TRIM5: variants seen among roughly 807,000 people sequenced by gnomAD.
TRIM5 encodes the protein tripartite motif-containing protein 5.
A neutral mutation model predicts 35.6 loss-of-function variants in TRIM5; 31 were observed. The observed-to-expected ratio is 0.87, with a 90% confidence interval of 0.65 to 1.18. TRIM5 has a LOEUF of 1.18. Ranked by LOEUF, TRIM5 falls within the 50% of genes most tolerant of loss-of-function variation. TRIM5 has a pLI of 0.00. For missense variants in TRIM5, 609 were observed against 591.6 expected (o/e 1.03, Z -0.31); for synonymous variants, 243 against 215.6 (o/e 1.13, Z -1.11).
chr11:5,676,419 AAGG>A (rs1851986675), intron 4 of TRIM5, among the ~76,000 whole-genome samples: 2 of 152,186 alleles, frequency 1.3e-5, no homozygotes, highest in Non-Finnish European at 2.9e-5. Flanking sequence ...GGACTTCTTC[AAGG>A]AGAACTACAA....
chr11:5,623,668 C>A, the TRIM5 span, among the ~76,000 whole-genome samples: 1 of 151,966 alleles, frequency 6.6e-6, no homozygotes, highest in South Asian at 2.1e-4. Context: ...GTGTGAGCCA[C>A]CACAGTTGGC....
the TRIM5 span, among the ~76,000 whole-genome samples, chr11:5,633,592 C>T: frequency 6.6e-6 from 1 of 152,216 alleles, no homozygotes; most frequent in Non-Finnish European, 1.5e-5. Flanking sequence ...AATCAGGCTA[C>T]TCCTTTTGAG....
At chr11:5,638,037 C>T in the TRIM5 span, among the ~76,000 whole-genome samples, 2 of 152,158 alleles carry the variant, frequency 1.3e-5, no homozygotes, top group African/African-American at 4.8e-5. Flanking sequence ...AAAATCAGCA[C>T]TATCAAGAAT....
At chr11:5,662,614 A>G (rs1249362979), downstream of TRIM5, among the ~76,000 whole-genome samples, 2 of 152,242 alleles carry the variant, frequency 1.3e-5, no homozygotes, top group Admixed American at 1.3e-4. Context: ...AGAAATACTT[A>G]AAACAACTTA....
chr11:5,596,891 T>A, the TRIM5 span: 1 of 1,613,860 alleles, frequency 6.2e-7, no homozygotes, highest in Non-Finnish European at 8.5e-7. Flanking sequence ...GGCTTCTCAT[T>A]CCCCAGATGT....
At chr11:5,606,692 G>A in the TRIM5 span, among the ~76,000 whole-genome samples, 3 of 151,630 alleles carry the variant, frequency 2.0e-5, no homozygotes, top group Non-Finnish European at 4.4e-5. Flanking sequence ...CTTTTGTTCT[G>A]GCTCCTCAAC....
intron 1 of TRIM5, chr11:5,684,246 TCCTTTCTCTCC>T (rs1852835159): frequency 6.6e-6 from 1 of 152,662 alleles, no homozygotes. Flanking sequence ...AGGCTAACAC[TCCTTTCTCTCC>T]CCGTACTCAG....
At chr11:5,650,712 T>C in the TRIM5 span, among the ~76,000 whole-genome samples, 1 of 152,312 alleles carries the variant, frequency 6.6e-6, no homozygotes, top group East Asian at 1.9e-4. Context: ...TCCAAATTTG[T>C]TGTTTGATGG....
At chr11:5,599,655 A>G in the TRIM5 span, among the ~76,000 whole-genome samples, 4 of 152,116 alleles carry the variant, frequency 2.6e-5, no homozygotes, top group Non-Finnish European at 5.9e-5. Flanking sequence ...CGCCTGCCTC[A>G]GCCTCCCAAA....
Position 5,679,877 on chromosome 11 carries a change from T to G in TRIM5, c.301A>C (p.Lys101Gln), listed in dbSNP as rs1342833005. ...TCCTCCTGACAGAAGAGTAGAAGTT[T>G]CTCTCCATGGCGTGCACAATGATCA... The part of the protein sequence containing the change: ...KVDHCARHGE[K>Q]LLLFCQEDGK... Residue 101 changes from lysine to glutamine, a missense_variant, in exon 2 of 8, where the codon AAA becomes CAA. Coordinates refer to ENST00000380034, the MANE Select transcript of TRIM5 (RefSeq NM_033034.3). 7.4e-6 allele frequency: 12 copies of G among 1,613,606 alleles called. No homozygotes were observed. Among genetic ancestry groups the G allele is most frequent in the Non-Finnish European group, 1.0e-5 (12 of 1,179,992 alleles).
the TRIM5 span, among the ~76,000 whole-genome samples, chr11:5,638,473 GTTGTACACCAGC>G: frequency 6.6e-6 from 1 of 150,666 alleles, no homozygotes; most frequent in African/African-American, 2.5e-5. Flanking sequence ...CATTTATTTG[GTTGTACACCAGC>G]TGGTGTCATG....
At chr11:5,673,810 G>GAATAACC (rs1851741277) in intron 4 of TRIM5, among the ~76,000 whole-genome samples, 2 of 151,848 alleles carry the variant, frequency 1.3e-5, no homozygotes. Flanking sequence ...CTACTTTTCT[G>GAATAACC]AATAACCCAA....
intron 2 of TRIM5, among the ~76,000 whole-genome samples, 176 bp from the exon 3 acceptor site, chr11:5,679,345 A>C (rs567676995): frequency 6.6e-6 from 1 of 152,234 alleles, no homozygotes; most frequent in Non-Finnish European, 1.5e-5. Context: ...TGTGCTCCCT[A>C]CATCTCAGGT....
the TRIM5 span, chr11:5,605,487 G>T: frequency 1.9e-6 from 3 of 1,614,202 alleles, no homozygotes; most frequent in Non-Finnish European, 2.5e-6. Flanking sequence ...GAATGATCTG[G>T]TCCACCAGAC....
In TRIM5 at chr11:5,667,699, C is replaced by A. The variant is rs760714681; in HGVS notation, c.757G>T (p.Val253Phe). Residue 253 changes from valine to phenylalanine, a missense_variant, in exon 5 of 8, where the codon GTC becomes TTC. By Grantham distance (50) the Val-to-Phe change is conservative. Transcript: ENST00000380034. ...TCCTCCCACACATACCTTTTTATGA[C>A]GCCATCCACACCCTAGGAAGAAGAG... ...VMELLQGVDG[V>F]IKRTENVTLK... is the part of the protein sequence containing the mutation. 6.2e-7 allele frequency: 1 copy of A among 1,613,632 alleles called. No homozygotes were observed. The highest frequency in any genetic ancestry group is 8.5e-7 in the Non-Finnish European group (1 of 1,179,846).
the TRIM5 span, chr11:5,642,533 G>A: frequency 6.2e-7 from 1 of 1,611,024 alleles, no homozygotes; most frequent in Non-Finnish European, 8.5e-7. Flanking sequence ...AAAGACTGTG[G>A]ATGTGGGATT....
chr11:5,605,498 C>G, the TRIM5 span: 4 of 1,614,104 alleles, frequency 2.5e-6, no homozygotes, highest in South Asian at 2.2e-5. Flanking sequence ...TCCACCAGAC[C>G]CAGTCGCTGC....
At chr11:5,641,417 C>A in the TRIM5 span, 2 of 1,144,088 alleles carry the variant, frequency 1.7e-6, no homozygotes, top group Non-Finnish European at 2.3e-6. Context: ...GAGCTACAGC[C>A]AAAAAGGATA....
the TRIM5 span, chr11:5,642,831 C>G: frequency 1.2e-6 from 2 of 1,613,846 alleles, no homozygotes; most frequent in South Asian, 2.2e-5. Context: ...GACAGCTGTC[C>G]GGTGCTACTG....
Sources: allele counts gnomAD v4.1 joint callset (sites outside exome capture counted in the v4.1 genomes callset), GRCh38; gene constraint gnomAD v4.1.1; transcripts MANE v1.5; gene names NCBI Gene and HGNC (gene_info 2026-07-23, HGNC 2026-07-21).